LYPD6B: variants seen among roughly 807,000 people sequenced by gnomAD.
LYPD6B encodes ly6/PLAUR domain-containing protein 6B.
Under a neutral mutation model 22.8 loss-of-function variants are expected in LYPD6B, and 17 were observed. That is an observed-to-expected ratio of 0.75 (90% CI 0.51 to 1.12). LYPD6B has a LOEUF of 1.12. LYPD6B is among the 50% of genes most tolerant of loss of function. LYPD6B has a pLI of 0.00. For missense variants in LYPD6B, 221 were observed against 258.3 expected, an observed-to-expected ratio of 0.86 and a Z score of 0.99; for synonymous variants, 106 against 91.6, an observed-to-expected ratio of 1.16 and a Z score of -0.90.
At chr2:149,165,066 C>CTGGT in intron 3 of LYPD6B, among the ~76,000 whole-genome samples, 1 of 152,140 alleles carries the variant, frequency 6.6e-6, no homozygotes, top group Non-Finnish European at 1.5e-5. Flanking sequence ...CTGTGCTCAG[C>CTGGT]TGGTACCTTG....
chr2:149,106,893 T>A (rs1300634958), intron 1 of LYPD6B, among the ~76,000 whole-genome samples: 2 of 151,966 alleles, frequency 1.3e-5, no homozygotes, highest in African/African-American at 2.4e-5. Context: ...TTTGAGAACT[T>A]TTTTTTCAAT....
rs144720638 is a variant in LYPD6B, at chr2:149,169,794, G to C, written c.77+8959G>C. Among the ~76,000 whole-genome samples the C allele has an allele frequency of 9.2e-5, 14 of 152,234 alleles. 1 individual carries two copies. The East Asian group carries it at 2.1e-3, about 23-fold the overall frequency. On this transcript the variant is annotated intron_variant, in intron 3 of 6. Transcript: ENST00000409642. ...AAAGCGACATTGATTTATTTGTTCT[G>C]TTCCCTGCCAGCCTGAGAAACCTGT...
intron 5 of LYPD6B, among the ~76,000 whole-genome samples, chr2:149,211,034 C>A (rs976066450): frequency 3.9e-5 from 6 of 152,236 alleles, no homozygotes; most frequent in Non-Finnish European, 5.9e-5. Context: ...AGGAAACTTA[C>A]AATCATGGCA....
At chr2:149,177,264 A>G (rs962188438) in intron 3 of LYPD6B, among the ~76,000 whole-genome samples, 1 of 152,140 alleles carries the variant, frequency 6.6e-6, no homozygotes, top group Non-Finnish European at 1.5e-5. Context: ...ATTTCCAGCT[A>G]CTCATTTGGT....
intron 1 of LYPD6B, among the ~76,000 whole-genome samples, chr2:149,115,749 A>G (rs1686974199): frequency 6.6e-6 from 1 of 152,238 alleles, no homozygotes; most frequent in East Asian, 1.9e-4. Flanking sequence ...GAAATAGACC[A>G]ATATATCAGT....
intron 3 of LYPD6B, among the ~76,000 whole-genome samples, chr2:149,189,884 A>G (rs948344235): frequency 2.6e-5 from 4 of 152,170 alleles, no homozygotes; most frequent in Non-Finnish European, 2.9e-5. Flanking sequence ...ATTTTGTACC[A>G]TCTGCTGTTT....
intron 1 of LYPD6B, among the ~76,000 whole-genome samples, chr2:149,050,310 T>C (rs1394015622): frequency 6.6e-6 from 1 of 152,152 alleles, no homozygotes; most frequent in East Asian, 1.9e-4. Context: ...AATGTAATTC[T>C]CAAAGTATGC....
At position 149,205,280 on chromosome 2, in the gene LYPD6B, C is replaced by T; in HGVS notation, c.105C>T (p.His35=). ...ATAAGAGTTCGGACCGCCCAGCACA[C>T]AAGGTCAGCATGCTGCTCCTCTGTC... ...SRYKSSDRPA[H]KVSMLLLCHA... is the part of the protein sequence containing the mutation. Residue 35 remains histidine, a synonymous_variant, in exon 4 of 7, where the codon CAC becomes CAT. Coordinates refer to ENST00000409642, the MANE Select transcript of LYPD6B (RefSeq NM_177964.5). 6.2e-7 allele frequency: 1 copy of T among 1,613,824 alleles called. No homozygotes were observed. Among genetic ancestry groups the T allele is most frequent in the Non-Finnish European group, 8.5e-7 (1 of 1,179,796 alleles).
chr2:149,141,103 G>A (rs1023295858), intron 2 of LYPD6B, among the ~76,000 whole-genome samples: 4 of 152,144 alleles, frequency 2.6e-5, no homozygotes, highest in Admixed American at 6.5e-5. Flanking sequence ...GATGAAAAAA[G>A]CACTAAAACC....
At chr2:149,051,309 C>A (rs1005417760) in intron 1 of LYPD6B, among the ~76,000 whole-genome samples, 2 of 151,978 alleles carry the variant, frequency 1.3e-5, no homozygotes, top group Non-Finnish European at 2.9e-5. Flanking sequence ...GGACTACAGG[C>A]ACCTGCCACC....
chr2:149,195,711 C>T (rs1692767490), intron 3 of LYPD6B, among the ~76,000 whole-genome samples: 1 of 152,112 alleles, frequency 6.6e-6, no homozygotes, highest in African/African-American at 2.4e-5. Flanking sequence ...TGATATTGGC[C>T]TGTATGATCA....
chr2:149,157,776 T>C (rs1575082884), intron 2 of LYPD6B, among the ~76,000 whole-genome samples: 1 of 152,178 alleles, frequency 6.6e-6, no homozygotes, highest in African/African-American at 2.4e-5. Context: ...AGGACCTATG[T>C]TTGCACACGG....
chr2:149,173,028 G>A (rs1458865664), intron 3 of LYPD6B, among the ~76,000 whole-genome samples: 1 of 151,304 alleles, frequency 6.6e-6, no homozygotes, highest in African/African-American at 2.4e-5. Context: ...GTACATATAT[G>A]TATATATATT....
chr2:149,180,686 C>T (rs1252304151), intron 3 of LYPD6B, among the ~76,000 whole-genome samples: 2 of 152,244 alleles, frequency 1.3e-5, no homozygotes, highest in African/African-American at 2.4e-5. Context: ...GGCCCAGCCT[C>T]GCTGCCTGTG....
At chr2:149,211,548 G>A (rs903524568) in intron 5 of LYPD6B, among the ~76,000 whole-genome samples, 6 of 151,868 alleles carry the variant, frequency 4.0e-5, no homozygotes, top group Non-Finnish European at 5.9e-5. Context: ...TGCACACTCA[G>A]TATGGGTTTG....
rs1694100923 is a variant in LYPD6B at position 149,215,008 on chromosome 2, G to C, written c.*298G>C. On this transcript the variant is annotated 3_prime_UTR_variant, in exon 7 of 7. Transcript: ENST00000409642. The stretch of plus-strand genomic sequence containing the variant: ...CCTGGCAACTAGTCCCACCTGACTA[G>C]GCCTTTAGCTGAAAGGATTTCTTGA... 2.8e-6 allele frequency: 1 copy of C among 358,396 alleles called. No individual in the cohort carries two copies. The highest frequency in any genetic ancestry group is 4.0e-5 in the Admixed American group (1 of 25,126). 22.2% of individuals were successfully genotyped at this position (358,396 alleles called of 1,614,324 possible). A position where few individuals can be genotyped will look rare whatever the true frequency, so the allele number is the denominator to read the frequency against.
In LYPD6B at chr2:149,156,711, T is replaced by C. The variant is rs78980955; in HGVS notation, c.6-4053T>C. On this transcript the variant is annotated intron_variant, in intron 2 of 6. Transcript: ENST00000409642. ...GACCTCATTTTAAATTAATTACCTC[T>C]TAAGACTCTCCAGATACATCACATT... Among the ~76,000 whole-genome samples the C allele has an allele frequency of 5.3e-5, 8 of 152,262 alleles. No homozygotes were observed. The East Asian group carries it at 1.5e-3, about 29-fold the overall frequency.
At chr2:149,070,235 C>T (rs1024911884) in intron 1 of LYPD6B, among the ~76,000 whole-genome samples, 1 of 152,104 alleles carries the variant, frequency 6.6e-6, no homozygotes, top group Non-Finnish European at 1.5e-5. Flanking sequence ...GTTGGCATTT[C>T]AATTTTCTCC....
At chr2:149,147,496 T>C (rs1310924346) in intron 2 of LYPD6B, among the ~76,000 whole-genome samples, 2 of 152,022 alleles carry the variant, frequency 1.3e-5, no homozygotes, top group Non-Finnish European at 2.9e-5. Context: ...GGTTTGTTTG[T>C]TTTTTTGTTT....
Sources: gnomAD v4.1 joint callset for allele counts (sites outside exome capture counted in the v4.1 genomes callset) on GRCh38, gnomAD v4.1.1 for gene constraint, MANE v1.5 for transcripts, NCBI Gene and HGNC (gene_info 2026-07-23, HGNC 2026-07-21) for gene names.